Variants in PRR16 observed in about 807,000 individuals in gnomAD.
The protein encoded by PRR16 is protein Largen.
PRR16 carries 6 observed loss-of-function variants against 18.2 expected under a neutral mutation model. The observed-to-expected ratio is 0.33, with a 90% CI of 0.18 to 0.65. The LOEUF (loss-of-function observed/expected upper bound fraction) is 0.65, where lower values mean the gene tolerates loss of function less well. Ranked by LOEUF, PRR16 falls within the 30% of genes least tolerant of loss-of-function variation. The pLI is 0.74. For synonymous variants in PRR16, 151 were observed against 147.8 expected (o/e 1.02, Z -0.16); for missense variants, 412 against 376.6 (o/e 1.09, Z -0.78).
chr5:120,518,470 AAATGCAT>A (rs1305586511), intron 1 of PRR16, among the ~76,000 whole-genome samples: 1 of 152,118 alleles, frequency 6.6e-6, no homozygotes, highest in Non-Finnish European at 1.5e-5. Context: ...ACTGGTACCC[AAATGCAT>A]CTTGACCCAG....
chr5:120,515,452 A>T (rs1382592993), intron 1 of PRR16, among the ~76,000 whole-genome samples: 1 of 152,176 alleles, frequency 6.6e-6, no homozygotes, highest in Non-Finnish European at 1.5e-5. Flanking sequence ...CTTATAAATC[A>T]TTGAAAATTG....
intron 1 of PRR16, among the ~76,000 whole-genome samples, chr5:120,630,072 C>A (rs1289649375): frequency 1.3e-5 from 2 of 151,898 alleles, no homozygotes; most frequent in Non-Finnish European, 2.9e-5. Flanking sequence ...ATGATTTTTG[C>A]CAATTCTGAG....
intron 1 of PRR16, among the ~76,000 whole-genome samples, chr5:120,556,060 T>G (rs1300803290): frequency 1.3e-5 from 2 of 151,734 alleles, no homozygotes; most frequent in Non-Finnish European, 2.9e-5. Context: ...ATGGAAAATT[T>G]GCAATTTAAA....
chr5:120,490,398 C>G (rs1159487706), intron 1 of PRR16, among the ~76,000 whole-genome samples: 1 of 152,154 alleles, frequency 6.6e-6, no homozygotes, highest in East Asian at 1.9e-4. Flanking sequence ...TCATTTCATT[C>G]TTTTCGTCTT....
chr5:120,707,244 T>G, the PRR16 span, among the ~76,000 whole-genome samples: 2 of 152,200 alleles, frequency 1.3e-5, no homozygotes, highest in African/African-American at 4.8e-5. Context: ...CTTGGAGGTG[T>G]TACTTTTGCT....
rs543305123 is a variant in PRR16, at chr5:120,477,768, A to G, written c.159+13123A>G. Among the ~76,000 whole-genome samples, 121 of 151,570 alleles carry G rather than the reference A, an allele frequency of 8.0e-4. 1 individual carries two copies. Among genetic ancestry groups the G allele is most frequent in the Non-Finnish European group, 1.5e-3 (104 of 67,860 alleles). ...GTTCTAATGTCCTCCCCAATTTACTACTTTCTCTGTGGCTCTCCTTACTTC... is the reference window on the plus strand; with the variant it reads ...GTTCTAATGTCCTCCCCAATTTACTGCTTTCTCTGTGGCTCTCCTTACTTC... On this transcript the variant is annotated intron_variant, in intron 1 of 1. Transcript: ENST00000407149.
chr5:120,630,515 G>A (rs1489365536), intron 1 of PRR16, among the ~76,000 whole-genome samples: 1 of 152,052 alleles, frequency 6.6e-6, no homozygotes, highest in Non-Finnish European at 1.5e-5. Flanking sequence ...AAGATGTATA[G>A]GTTCTATATA....
chr5:120,665,332 A>C (rs1756331511), intron 1 of PRR16, among the ~76,000 whole-genome samples: 2 of 151,718 alleles, frequency 1.3e-5, no homozygotes, highest in African/African-American at 4.8e-5. Context: ...AATTTGTTTG[A>C]GTTCCTTGTA....
intron 1 of PRR16, among the ~76,000 whole-genome samples, chr5:120,625,325 T>G (rs1471078381): frequency 6.6e-6 from 1 of 152,064 alleles, no homozygotes; most frequent in Non-Finnish European, 1.5e-5. Flanking sequence ...GGAAAATAAA[T>G]TTTTAGTTTG....
chr5:120,759,949 T>G, the PRR16 span, among the ~76,000 whole-genome samples: 1 of 151,942 alleles, frequency 6.6e-6, no homozygotes, highest in African/African-American at 2.4e-5. Context: ...CTAATAACAA[T>G]GTATGAAATA....
At chr5:120,595,568 A>C (rs1753773066) in intron 1 of PRR16, among the ~76,000 whole-genome samples, 1 of 151,874 alleles carries the variant, frequency 6.6e-6, no homozygotes, top group Non-Finnish European at 1.5e-5. Context: ...ATTAGTAAAA[A>C]TAACTATTGG....
intron 1 of PRR16, among the ~76,000 whole-genome samples, chr5:120,493,389 G>A (rs60492181): frequency 1.3e-5 from 2 of 152,046 alleles, no homozygotes; most frequent in South Asian, 2.1e-4. Context: ...ATAGACTACA[G>A]CATCGCTTTT....
intron 1 of PRR16, among the ~76,000 whole-genome samples, chr5:120,685,212 C>G (rs994738179): frequency 3.3e-5 from 5 of 152,146 alleles, no homozygotes; most frequent in Non-Finnish European, 5.9e-5. Flanking sequence ...TGTGTGCCCA[C>G]CAGGGGCTCT....
chr5:120,790,838 T>C, the PRR16 span: 6 of 131,242 alleles, frequency 4.6e-5, no homozygotes, highest in Non-Finnish European at 6.7e-5. Flanking sequence ...CATTGATTTT[T>C]CTTCTTTCAA....
chr5:120,663,819 A>G (rs1426602588), intron 1 of PRR16, among the ~76,000 whole-genome samples: 1 of 152,164 alleles, frequency 6.6e-6, no homozygotes, highest in Non-Finnish European at 1.5e-5. Context: ...AAGCAATAAA[A>G]CAACTTGTAA....
the PRR16 span, among the ~76,000 whole-genome samples, chr5:120,721,449 G>A: frequency 6.6e-6 from 1 of 151,978 alleles, no homozygotes; most frequent in Non-Finnish European, 1.5e-5. Context: ...CCTAAGTGAG[G>A]AGATAGTATT....
intron 1 of PRR16, among the ~76,000 whole-genome samples, chr5:120,681,505 C>T (rs1284808624): frequency 6.6e-6 from 1 of 152,152 alleles, no homozygotes; most frequent in African/African-American, 2.4e-5. Context: ...CCAAATTAGT[C>T]ATTAATATAT....
At chr5:120,753,341 G>A in the PRR16 span, among the ~76,000 whole-genome samples, 1 of 151,952 alleles carries the variant, frequency 6.6e-6, no homozygotes, top group Non-Finnish European at 1.5e-5. Flanking sequence ...AACGTCTTTT[G>A]CATGCTGCAA....
chr5:120,509,835 G>A (rs557671960), intron 1 of PRR16, among the ~76,000 whole-genome samples: 2 of 152,138 alleles, frequency 1.3e-5, no homozygotes, highest in South Asian at 4.1e-4. Flanking sequence ...CTTCTAAATT[G>A]GAATTTTGTG....
Sources: gnomAD v4.1 joint callset for allele counts (sites outside exome capture counted in the v4.1 genomes callset) on GRCh38, gnomAD v4.1.1 for gene constraint, MANE v1.5 for transcripts, NCBI Gene and HGNC (gene_info 2026-07-23, HGNC 2026-07-21) for gene names.